The following CAB39 variants were observed in gnomAD, a reference collection of about 807,000 sequenced individuals.
CAB39 encodes the protein calcium-binding protein 39.
A neutral mutation model predicts 40.0 loss-of-function variants in CAB39; 8 were observed. The ratio of observed to expected loss-of-function variants is 0.20; its 90% CI spans 0.12 to 0.36. The LOEUF (loss-of-function observed/expected upper bound fraction) is 0.36. Among genes scored for constraint, CAB39 ranks in the 10% least tolerant of loss-of-function variants. CAB39 has a pLI of 1.00. For missense variants in CAB39, 270 were observed against 401.1 expected (o/e 0.67, Z 2.79); for synonymous variants, 156 against 141.6 (o/e 1.10, Z -0.72).
chr2:230,805,803 A>G (rs993719296), intron 5 of CAB39, among the ~76,000 whole-genome samples: 1 of 152,232 alleles, frequency 6.6e-6, no homozygotes, highest in Non-Finnish European at 1.5e-5. Flanking sequence ...TGTTATATCC[A>G]TATGCTATTG....
chr2:230,762,567 A>G (rs373859476), intron 2 of CAB39, among the ~76,000 whole-genome samples: 5 of 152,350 alleles, frequency 3.3e-5, no homozygotes, highest in African/African-American at 7.2e-5. Flanking sequence ...GACATGATAC[A>G]TGTCTGCTGG....
At chr2:230,798,937 A>C (rs1696037305) in intron 5 of CAB39, 40 bp downstream of exon 5, 1 of 1,503,376 alleles carries the variant, frequency 6.7e-7, no homozygotes, top group African/African-American at 1.4e-5. Context: ...CTTGAAAGTC[A>C]GAGGTGTGCT....
intron 2 of CAB39, among the ~76,000 whole-genome samples, chr2:230,789,900 A>G (rs1695863749): frequency 6.6e-6 from 1 of 152,266 alleles, no homozygotes; most frequent in East Asian, 1.9e-4. Flanking sequence ...TCCTTCTCTC[A>G]GGGATCACTG....
intron 5 of CAB39, among the ~76,000 whole-genome samples, chr2:230,809,552 T>A (rs1245551728): frequency 1.3e-5 from 2 of 152,212 alleles, no homozygotes; most frequent in African/African-American, 4.8e-5. Flanking sequence ...GGATCATATC[T>A]TTTTGTCTTT....
chr2:230,815,137 C>T (rs972618087), intron 7 of CAB39, among the ~76,000 whole-genome samples: 2 of 152,208 alleles, frequency 1.3e-5, no homozygotes, highest in African/African-American at 2.4e-5. Flanking sequence ...AACACTCCAC[C>T]GTCCACATTT....
At chr2:230,748,831 A>AT (rs1553669220) in intron 1 of CAB39, among the ~76,000 whole-genome samples, 413 of 28,202 alleles carry the variant, frequency 0.015, no homozygotes, top group Non-Finnish European at 0.02. Flanking sequence ...AAAAAAAAAA[A>AT]ATATATATAT....
At chr2:230,776,341 C>T (rs2124938381) in intron 2 of CAB39, among the ~76,000 whole-genome samples, 1 of 152,230 alleles carries the variant, frequency 6.6e-6, no homozygotes, top group African/African-American at 2.4e-5. Context: ...TCACCCATAT[C>T]CCCAGTGGTA....
At chr2:230,720,957 T>C (rs575306958) in intron 1 of CAB39, among the ~76,000 whole-genome samples, 39 of 152,340 alleles carry the variant, frequency 2.6e-4, no homozygotes, top group African/African-American at 9.4e-4. Context: ...TGGTGAGTTA[T>C]AAGTTTTTCC....
At chr2:230,760,452 A>C (rs1030762067) in intron 2 of CAB39, among the ~76,000 whole-genome samples, 16 of 152,280 alleles carry the variant, frequency 1.1e-4, no homozygotes, top group African/African-American at 3.8e-4. Flanking sequence ...GCCAAGCCTC[A>C]AGCGATCTTT....
chr2:230,755,786 T>A (rs1695178387), intron 1 of CAB39, among the ~76,000 whole-genome samples: 1 of 152,222 alleles, frequency 6.6e-6, no homozygotes, highest in Non-Finnish European at 1.5e-5. Flanking sequence ...TTCCTCCAAA[T>A]ATGTATAAAA....
At chr2:230,770,246 G>A (rs559107143) in intron 2 of CAB39, among the ~76,000 whole-genome samples, 1 of 152,220 alleles carries the variant, frequency 6.6e-6, no homozygotes, top group South Asian at 2.1e-4. Context: ...CTGACCAGGA[G>A]GAAGAAAACA....
In CAB39 at chr2:230,818,783, A is replaced by G; in HGVS notation, c.*79A>G. ...CAGCATCAGGCACTCTTATTGATTCATGAGGAACATTACTGCTAATCTGCT... is the reference window on the plus strand; with the variant it reads ...CAGCATCAGGCACTCTTATTGATTCGTGAGGAACATTACTGCTAATCTGCT... On this transcript the variant is annotated 3_prime_UTR_variant, in exon 9 of 9. Coordinates refer to ENST00000258418, the MANE Select transcript of CAB39 (RefSeq NM_016289.4). 9.1e-7 allele frequency: 1 copy of G among 1,097,034 alleles called. No homozygotes were observed. The highest frequency in any genetic ancestry group is 1.5e-5 in the South Asian group (1 of 68,068). The allele number at this position is 1,097,034 out of a possible 1,614,324, so 68.0% of individuals were successfully genotyped here.
intron 1 of CAB39, among the ~76,000 whole-genome samples, chr2:230,730,821 C>T (rs760335166): frequency 6.6e-6 from 1 of 152,032 alleles, no homozygotes; most frequent in Non-Finnish European, 1.5e-5. Flanking sequence ...AAGAAAAGAA[C>T]TAAGAAAAAT....
At chr2:230,716,701 G>A (rs1487216509) in intron 1 of CAB39, among the ~76,000 whole-genome samples, 1 of 152,184 alleles carries the variant, frequency 6.6e-6, no homozygotes, top group Non-Finnish European at 1.5e-5. Flanking sequence ...CTGGCCTCCA[G>A]CCCTATTTTA....
chr2:230,727,622 G>A (rs1256436724), intron 1 of CAB39, among the ~76,000 whole-genome samples: 1 of 151,650 alleles, frequency 6.6e-6, no homozygotes, highest in Non-Finnish European at 1.5e-5. Context: ...TTGCTATGTT[G>A]CCTAGGCTGG....
chr2:230,719,239 A>C (rs925872253), intron 1 of CAB39, among the ~76,000 whole-genome samples: 1 of 152,224 alleles, frequency 6.6e-6, no homozygotes, highest in Non-Finnish European at 1.5e-5. Flanking sequence ...TATTGTCCCC[A>C]ACATCATTGA....
chr2:230,743,216 C>G (rs78257228), intron 1 of CAB39, among the ~76,000 whole-genome samples: 1 of 152,296 alleles, frequency 6.6e-6, no homozygotes, highest in African/African-American at 2.4e-5. Flanking sequence ...TTTCCCTTCA[C>G]TCACTCTATA....
At chr2:230,802,111 A>G (rs1696100603) in intron 5 of CAB39, among the ~76,000 whole-genome samples, 1 of 152,186 alleles carries the variant, frequency 6.6e-6, no homozygotes, top group Non-Finnish European at 1.5e-5. Flanking sequence ...GGTTTCTGCC[A>G]CTCAAAACCA....
intron 1 of CAB39, among the ~76,000 whole-genome samples, chr2:230,742,634 G>A (rs1021890418): frequency 6.7e-6 from 1 of 150,014 alleles, no homozygotes; most frequent in Non-Finnish European, 1.5e-5. Context: ...AAGTCAATAA[G>A]AAAAGGACTC....
Sources: allele counts gnomAD v4.1 joint callset (sites outside exome capture counted in the v4.1 genomes callset), GRCh38; gene constraint gnomAD v4.1.1; transcripts MANE v1.5; gene names NCBI Gene and HGNC (gene_info 2026-07-23, HGNC 2026-07-21).